The following ROBO2 variants were observed in gnomAD, a reference collection of about 807,000 sequenced individuals.
ROBO2 encodes the protein roundabout guidance receptor 2, also known as roundabout homolog 2.
A neutral mutation model predicts 160.8 loss-of-function variants in ROBO2; 53 were observed. That is an observed-to-expected ratio of 0.33 (90% CI 0.26 to 0.41). The LOEUF is 0.41. ROBO2 is among the 10% of genes least tolerant of loss of function. The probability of loss-of-function intolerance (pLI) is 1.00; values close to 1 mark genes in which losing one functional copy is unlikely to be tolerated. For missense variants in ROBO2, 1,577 were observed against 1,722.4 expected (o/e 0.92, Z 1.49); for synonymous variants, 664 against 611.7 (o/e 1.09, Z -1.26).
intron 2 of ROBO2, among the ~76,000 whole-genome samples, chr3:76,935,523 T>A (rs1274660638): frequency 6.6e-6 from 1 of 152,206 alleles, no homozygotes; most frequent in African/African-American, 2.4e-5. Context: ...GGAGTACTGA[T>A]GGTGTTTGTT....
rs72890377 is a variant in ROBO2, at chr3:76,022,691, G to A, written c.109+85089G>A. ...AGACCATACTGTTAACAGATATACT[G>A]TCATTCAGACTTTGCTCCATTTATA... On this transcript the variant is annotated intron_variant, in intron 2 of 26. Coordinates refer to the ROBO2 transcript ENST00000487694. 7.2e-3 allele frequency among the ~76,000 whole-genome samples: 1,087 copies of A among 151,806 alleles called. 13 individuals are homozygous for A. The highest frequency in any genetic ancestry group is 0.025 in the African/African-American group (1,027 of 41,496).
intron 2 of ROBO2, among the ~76,000 whole-genome samples, chr3:77,263,647 C>A (rs1436833866): frequency 6.6e-6 from 1 of 152,184 alleles, no homozygotes; most frequent in African/African-American, 2.4e-5. Flanking sequence ...TTTATCTAGT[C>A]TATCACTGAT....
intron 2 of ROBO2, among the ~76,000 whole-genome samples, chr3:76,307,126 G>C (rs1237358153): frequency 2.6e-5 from 4 of 152,206 alleles, no homozygotes; most frequent in Non-Finnish European, 5.9e-5. Flanking sequence ...CTTCCTGGCA[G>C]TTCCTGGAAG....
At chr3:76,719,494 C>T (rs374401169) in intron 2 of ROBO2, among the ~76,000 whole-genome samples, 2 of 152,186 alleles carry the variant, frequency 1.3e-5, no homozygotes, top group East Asian at 1.9e-4. Context: ...CACCACCACA[C>T]TGGCTGACCC....
chr3:77,315,354 G>T lies in ROBO2; in HGVS notation c.389-162060G>T, dbSNP rs115135323. 7.2e-3 allele frequency among the ~76,000 whole-genome samples: 1,091 copies of T among 152,256 alleles called. 17 individuals are homozygous for T. Among genetic ancestry groups the T allele is most frequent in the African/African-American group, 0.025 (1,042 of 41,566 alleles). ...CTACTCTCACATATTTGAGTTACAA[G>T]GTCTGAGGGTGAATGGTATTGTGTG... On this transcript the variant is annotated intron_variant, in intron 2 of 25. Coordinates refer to ENST00000461745, the Ensembl canonical transcript of ROBO2.
chr3:76,049,036 G>A (rs377749197), intron 2 of ROBO2, among the ~76,000 whole-genome samples: 1 of 151,884 alleles, frequency 6.6e-6, no homozygotes, highest in Non-Finnish European at 1.5e-5. Context: ...AAATAAAGAA[G>A]AATTAAAAAC....
At chr3:77,111,686 G>T (rs530315664) in intron 2 of ROBO2, among the ~76,000 whole-genome samples, 1 of 152,128 alleles carries the variant, frequency 6.6e-6, no homozygotes, top group African/African-American at 2.4e-5. Flanking sequence ...TTTTTTAGGG[G>T]AAGGGAAAGA....
At chr3:76,434,281 A>G in intron 2 of ROBO2, 3 of 1,007,436 alleles carry the variant, frequency 3.0e-6, no homozygotes. Context: ...CAGTGTCAAC[A>G]GCCAGCAGAT....
chr3:77,054,902 C>T (rs1326705981), intron 1 of ROBO2, among the ~76,000 whole-genome samples: 1 of 149,388 alleles, frequency 6.7e-6, no homozygotes, highest in African/African-American at 2.5e-5. Context: ...CAGAGAGGCG[C>T]CTGCAGTCCA....
intron 2 of ROBO2, among the ~76,000 whole-genome samples, chr3:77,473,879 C>T (rs1201302251): frequency 6.6e-6 from 1 of 152,158 alleles, no homozygotes; most frequent in East Asian, 1.9e-4. Flanking sequence ...AGCACTTGGA[C>T]ATGCTGAACT....
intron 2 of ROBO2, among the ~76,000 whole-genome samples, chr3:76,189,147 A>G (rs1369264193): frequency 6.6e-6 from 1 of 152,176 alleles, no homozygotes; most frequent in East Asian, 1.9e-4. Flanking sequence ...GAGGATGTAT[A>G]GTAAAACAAA....
chr3:77,010,909 T>TCTTC (rs1421423901), intron 2 of ROBO2, among the ~76,000 whole-genome samples: 1 of 130,768 alleles, frequency 7.6e-6, no homozygotes, highest in Admixed American at 8.5e-5. Flanking sequence ...CTCCTTCCTT[T>TCTTC]CTTCCTTCCT....
intron 19 of ROBO2, among the ~76,000 whole-genome samples, chr3:77,597,253 G>A (rs932972699): frequency 3.3e-5 from 5 of 151,870 alleles, no homozygotes; most frequent in Non-Finnish European, 7.4e-5. Flanking sequence ...AACATGTTGA[G>A]AGAGAACTTT....
At chr3:77,268,072 G>A (rs1457432764) in intron 2 of ROBO2, among the ~76,000 whole-genome samples, 1 of 152,186 alleles carries the variant, frequency 6.6e-6, no homozygotes, top group Non-Finnish European at 1.5e-5. Context: ...TTTGGATGTA[G>A]TAGGGTTGCT....
At chr3:76,698,418 G>T (rs1218207913) in intron 2 of ROBO2, among the ~76,000 whole-genome samples, 2 of 152,148 alleles carry the variant, frequency 1.3e-5, no homozygotes, top group Non-Finnish European at 2.9e-5. Context: ...CTCTGGAAGG[G>T]GGTGGGGGAG....
chr3:76,735,566 A>G (rs1012241130), intron 2 of ROBO2, among the ~76,000 whole-genome samples: 8 of 151,872 alleles, frequency 5.3e-5, no homozygotes, highest in Non-Finnish European at 7.4e-5. Flanking sequence ...GTTCCTGACC[A>G]GCCTGGGCAA....
intron 2 of ROBO2, among the ~76,000 whole-genome samples, chr3:76,287,784 G>T (rs992576575): frequency 1.3e-5 from 2 of 152,190 alleles, no homozygotes; most frequent in Admixed American, 6.5e-5. Context: ...GCCTCATAGG[G>T]TTGCTGTGAG....
At chr3:76,877,613 T>C (rs1577201162) in intron 2 of ROBO2, among the ~76,000 whole-genome samples, 1 of 152,348 alleles carries the variant, frequency 6.6e-6, no homozygotes, top group East Asian at 1.9e-4. Flanking sequence ...GAAAGTTCTA[T>C]GGCACACAGT....
chr3:76,691,675 A>C (rs2107230936), intron 2 of ROBO2, among the ~76,000 whole-genome samples: 1 of 152,248 alleles, frequency 6.6e-6, no homozygotes, highest in South Asian at 2.1e-4. Flanking sequence ...GGATGGTTTA[A>C]AGTGAATGTT....
Sources: gnomAD v4.1 joint callset for allele counts (sites outside exome capture counted in the v4.1 genomes callset) on GRCh38, gnomAD v4.1.1 for gene constraint, MANE v1.5 for transcripts, NCBI Gene and HGNC (gene_info 2026-07-23, HGNC 2026-07-21) for gene names.